NME7: variants seen among roughly 807,000 people sequenced by gnomAD.
The protein encoded by NME7 is nucleoside diphosphate kinase 7.
Under a neutral mutation model 49.1 loss-of-function variants are expected in NME7, and 41 were observed. The observed-to-expected ratio is 0.83, with a 90% CI of 0.65 to 1.08. The LOEUF is 1.08. Among genes scored for constraint, NME7 ranks in the 50% least tolerant of loss-of-function variants. The pLI, the probability that NME7 is intolerant of heterozygous loss-of-function variation, is 0.00. For missense variants in NME7, 423 were observed against 463.4 expected, an observed-to-expected ratio of 0.91 and a Z score of 0.80; for synonymous variants, 139 against 150.6, an observed-to-expected ratio of 0.92 and a Z score of 0.56.
intron 7 of NME7, chr1:169,246,951 T>C: frequency 2.3e-6 from 1 of 439,972 alleles, no homozygotes; most frequent in South Asian, 1.6e-5. Context: ...CAAGATGCAA[T>C]TAAGTGAGTA....
intron 11 of NME7, among the ~76,000 whole-genome samples, chr1:169,147,893 G>A (rs763091018): frequency 7.9e-5 from 12 of 152,212 alleles, no homozygotes; most frequent in African/African-American, 1.4e-4. Flanking sequence ...AGGATATAGC[G>A]ATTGTTATAA....
chr1:169,238,288 G>A (rs1001907882), intron 7 of NME7, among the ~76,000 whole-genome samples: 4 of 151,910 alleles, frequency 2.6e-5, no homozygotes, highest in East Asian at 3.9e-4. Flanking sequence ...AATTCAAATC[G>A]ATAAAGGCCT....
At position 169,263,960 on chromosome 1, in the gene NME7, A is replaced by G. The variant is rs1220356928; in HGVS notation, c.754+23343T>C. Reference sequence around the variant, plus strand: ...GGGCCTATATGCAACATTCTTTAAGAAAAGGAATTCCAACCAAAAATTTCA... The same window carrying G: ...GGGCCTATATGCAACATTCTTTAAGGAAAGGAATTCCAACCAAAAATTTCA... On this transcript the variant is annotated intron_variant, in intron 7 of 11. Transcript: ENST00000367811. 1.5e-5 allele frequency among the ~76,000 whole-genome samples: 2 copies of G among 134,174 alleles called. 1 individual carries two copies. Among genetic ancestry groups the G allele is most frequent in the Non-Finnish European group, 3.5e-5 (2 of 57,086 alleles). 88.0% of individuals were successfully genotyped at this position (134,174 alleles called of 152,430 possible).
At chr1:169,360,865 T>C (rs1397790733) in intron 1 of NME7, among the ~76,000 whole-genome samples, 1 of 152,118 alleles carries the variant, frequency 6.6e-6, no homozygotes, top group Admixed American at 6.5e-5. Flanking sequence ...ACTGTTTTTC[T>C]CTCAAACTAA....
chr1:169,357,689 A>G (rs927120920), intron 1 of NME7, among the ~76,000 whole-genome samples: 1 of 152,110 alleles, frequency 6.6e-6, no homozygotes, highest in African/African-American at 2.4e-5. Flanking sequence ...TTTAACATAA[A>G]TGATAAAACT....
chr1:169,309,475 G>A lies in NME7; in HGVS notation c.389+495C>T, dbSNP rs568561862. ...GCTGAAAATCACCATGACAATGACC[G>A]GAAGAGGCCATAAAAAGACAAAAAG... On this transcript the variant is annotated intron_variant, in intron 4 of 11. Transcript: ENST00000367811. Among the ~76,000 whole-genome samples the A allele has an allele frequency of 6.6e-5, 10 of 152,160 alleles. No homozygotes were observed. In the East Asian group the frequency reaches 1.2e-3, roughly 18 times the overall value.
At chr1:169,354,106 T>C (rs934522323) in intron 1 of NME7, among the ~76,000 whole-genome samples, 3 of 152,150 alleles carry the variant, frequency 2.0e-5, no homozygotes, top group African/African-American at 4.8e-5. Context: ...CCCATGTTTA[T>C]TGCAGCACTA....
chr1:169,169,718 C>T (rs1027858587), intron 10 of NME7, among the ~76,000 whole-genome samples, 164 bp from the exon 11 acceptor site: 25 of 152,168 alleles, frequency 1.6e-4, no homozygotes, highest in African/African-American at 4.6e-4. Flanking sequence ...CTTTCATCTA[C>T]ATCGGGGAAA....
chr1:169,345,273 CTA>C (rs1652915323), intron 1 of NME7, among the ~76,000 whole-genome samples: 1 of 139,860 alleles, frequency 7.2e-6, no homozygotes, highest in African/African-American at 2.6e-5. Flanking sequence ...TTTCCAATAA[CTA>C]ATTTTTAGTT....
At chr1:169,334,914 C>T (rs1477102601) in intron 1 of NME7, among the ~76,000 whole-genome samples, 3 of 152,046 alleles carry the variant, frequency 2.0e-5, no homozygotes, top group Admixed American at 2.0e-4. Flanking sequence ...AGGATATGAA[C>T]AGACACTTCT....
intron 11 of NME7, among the ~76,000 whole-genome samples, chr1:169,168,573 AG>A (rs1404526859): frequency 6.6e-6 from 1 of 152,156 alleles, no homozygotes; most frequent in Non-Finnish European, 1.5e-5. Context: ...CTGGGACTCC[AG>A]GTGCATGCCA....
intron 11 of NME7, among the ~76,000 whole-genome samples, chr1:169,141,504 T>C (rs1432123024): frequency 6.6e-6 from 1 of 152,224 alleles, no homozygotes; most frequent in Non-Finnish European, 1.5e-5. Context: ...CGTCATTCCC[T>C]GAATACTTGG....
chr1:169,158,693 C>T (rs1659154359), intron 11 of NME7, among the ~76,000 whole-genome samples: 1 of 152,116 alleles, frequency 6.6e-6, no homozygotes, highest in African/African-American at 2.4e-5. Context: ...ATTTCATGGG[C>T]ATCAGAAGCA....
At chr1:169,228,745 A>T (rs1290417694) in intron 10 of NME7, among the ~76,000 whole-genome samples, 1 of 152,068 alleles carries the variant, frequency 6.6e-6, no homozygotes, top group African/African-American at 2.4e-5. Flanking sequence ...AGAAATCAGA[A>T]ATTTAAAATG....
At chr1:169,163,877 A>G (rs1288687458) in intron 11 of NME7, among the ~76,000 whole-genome samples, 1 of 152,124 alleles carries the variant, frequency 6.6e-6, no homozygotes, top group East Asian at 1.9e-4. Context: ...TTGGGAAGCC[A>G]AGGCGGGCAG....
chr1:169,165,099 A>ATT (rs3981319), intron 11 of NME7, among the ~76,000 whole-genome samples: 36,568 of 151,898 alleles, frequency 0.24, 5,311 homozygotes, highest in Non-Finnish European at 0.34. Context: ...AATGTCTCAT[A>ATT]AATACCATAA....
At chr1:169,349,054 T>C (rs1214856555) in intron 1 of NME7, among the ~76,000 whole-genome samples, 1 of 152,134 alleles carries the variant, frequency 6.6e-6, no homozygotes, top group African/African-American at 2.4e-5. Flanking sequence ...GAAAAGAATA[T>C]ACAGTAGGCA....
chr1:169,323,376 C>T, intron 2 of NME7, 93 bp from the exon 3 acceptor site: 1 of 1,049,876 alleles, frequency 9.5e-7, no homozygotes, highest in Non-Finnish European at 1.3e-6. Flanking sequence ...ATTCTTAATT[C>T]TGTCTTATCA....
chr1:169,156,950 A>C (rs1659093972), intron 11 of NME7, among the ~76,000 whole-genome samples: 1 of 152,280 alleles, frequency 6.6e-6, no homozygotes, highest in Admixed American at 6.5e-5. Context: ...GAGAAGGAAG[A>C]AAAGAATCCA....
Sources: allele counts gnomAD v4.1 joint callset (sites outside exome capture counted in the v4.1 genomes callset), GRCh38; gene constraint gnomAD v4.1.1; transcripts MANE v1.5; gene names NCBI Gene and HGNC (gene_info 2026-07-23, HGNC 2026-07-21).